Variants in PTPRG observed in about 807,000 individuals in gnomAD.
PTPRG encodes the protein protein tyrosine phosphatase receptor type G, also known as receptor-type tyrosine-protein phosphatase gamma.
In PTPRG, 102 loss-of-function variants were observed where a neutral mutation model predicts 165.3. The ratio of observed to expected loss-of-function variants is 0.62; its 90% CI spans 0.53 to 0.73. The LOEUF (loss-of-function observed/expected upper bound fraction) is 0.73. Among genes scored for constraint, PTPRG ranks in the 30% least tolerant of loss-of-function variants. The pLI is 0.00. For synonymous variants in PTPRG, 675 were observed against 669.5 expected, an observed-to-expected ratio of 1.01 and a Z score of -0.13; for missense variants, 1,866 against 1,861.4, an observed-to-expected ratio of 1.00 and a Z score of -0.05.
chr3:62,169,093 G>T (rs568376168), intron 8 of PTPRG, among the ~76,000 whole-genome samples: 2 of 152,120 alleles, frequency 1.3e-5, no homozygotes, highest in African/African-American at 4.8e-5. Flanking sequence ...CTGGAGCCTG[G>T]GGTCTGGGGT....
At chr3:61,816,206 T>C (rs866251153) in intron 2 of PTPRG, among the ~76,000 whole-genome samples, 6 of 152,176 alleles carry the variant, frequency 3.9e-5, no homozygotes, top group South Asian at 2.1e-4. Context: ...TGTTGTTTTG[T>C]GTCTTGGCAT....
In PTPRG at chr3:61,742,809, G is replaced by C; in HGVS notation, c.86-6069G>C. On this transcript the variant is annotated intron_variant, in intron 1 of 29. Transcript: ENST00000474889. ...CATCATACTTCTTGGCCAGCTTCTT[G>C]ACCAGTTTTTTATTCTTTTTGAGTT... The C allele has an allele frequency of 1.9e-6, 3 of 1,606,878 alleles. No individual in the cohort carries two copies. The Admixed American group carries it at 5.0e-5, about 27-fold the overall frequency.
intron 2 of PTPRG, among the ~76,000 whole-genome samples, chr3:61,866,021 A>G (rs2037396326): frequency 6.6e-6 from 1 of 152,144 alleles, no homozygotes; most frequent in Admixed American, 6.6e-5. Flanking sequence ...TAGAATCTTT[A>G]ACTCCTTTGA....
chr3:61,991,970 A>T (rs80138460), intron 3 of PTPRG, among the ~76,000 whole-genome samples: 3,355 of 152,282 alleles, frequency 0.022, 99 homozygotes, highest in African/African-American at 0.067. Context: ...TCCTAGAGTG[A>T]TCCACAACCT....
chr3:61,979,272 C>T (rs951601869), intron 2 of PTPRG, among the ~76,000 whole-genome samples: 3 of 152,166 alleles, frequency 2.0e-5, no homozygotes, highest in South Asian at 2.1e-4. Context: ...TCTTTCTTTG[C>T]CTGCTCATCA....
At chr3:62,121,571 C>A (rs183366319) in intron 5 of PTPRG, among the ~76,000 whole-genome samples, 27 of 152,278 alleles carry the variant, frequency 1.8e-4, no homozygotes, top group African/African-American at 6.5e-4. Flanking sequence ...AAAATGAGCT[C>A]ATCGTGTTCA....
At chr3:62,023,996 A>G (rs1486266332) in intron 4 of PTPRG, among the ~76,000 whole-genome samples, 1 of 152,164 alleles carries the variant, frequency 6.6e-6, no homozygotes, top group Non-Finnish European at 1.5e-5. Flanking sequence ...GAAGAGGTTC[A>G]AAAACAAGAA....
At chr3:62,024,747 A>G (rs1363518937) in intron 4 of PTPRG, among the ~76,000 whole-genome samples, 2 of 152,164 alleles carry the variant, frequency 1.3e-5, no homozygotes, top group Non-Finnish European at 2.9e-5. Flanking sequence ...TATCTGATAG[A>G]TAAGGATGGT....
At position 62,222,526 on chromosome 3, in the gene PTPRG, C is replaced by G. The variant is rs1032207012; in HGVS notation, c.2288+3543C>G. Among the ~76,000 whole-genome samples the G allele has an allele frequency of 1.3e-5, 2 of 152,186 alleles. No individual in the cohort carries two copies. The highest frequency in any genetic ancestry group is 4.8e-5 in the African/African-American group (2 of 41,440). On this transcript the variant is annotated intron_variant, in intron 13 of 29. Coordinates refer to ENST00000474889, the MANE Select transcript of PTPRG (RefSeq NM_002841.4). The surrounding 1 kb of genome is among the most constrained non-coding windows in gnomAD (Gnocchi z 4.5). Reference sequence around the variant, plus strand: ...CTGTCATTTGTCCATACCCCGGAGTCGTCTGGTGGCCAAAAGGATGGAACA... The same window carrying G: ...CTGTCATTTGTCCATACCCCGGAGTGGTCTGGTGGCCAAAAGGATGGAACA...
intron 2 of PTPRG, among the ~76,000 whole-genome samples, chr3:61,842,387 T>A (rs898694052): frequency 6.6e-6 from 1 of 152,192 alleles, no homozygotes; most frequent in African/African-American, 2.4e-5. Context: ...AATCCTTGAC[T>A]CAAGTCTTCA....
chr3:62,054,886 A>C (rs1559769939), intron 4 of PTPRG, among the ~76,000 whole-genome samples: 1 of 152,186 alleles, frequency 6.6e-6, no homozygotes, highest in Non-Finnish European at 1.5e-5. Flanking sequence ...ATAAAGATGA[A>C]ATTATAGGCT....
intron 14 of PTPRG, 160 bp from the exon 15 acceptor site, chr3:62,243,647 G>C (rs888931558): frequency 4.0e-6 from 2 of 495,252 alleles, no homozygotes; most frequent in Non-Finnish European, 7.1e-6. Context: ...CCCTCCAACA[G>C]GCTGAATGTT....
At chr3:62,243,325 C>G (rs1701207538) in intron 14 of PTPRG, among the ~76,000 whole-genome samples, 1 of 152,124 alleles carries the variant, frequency 6.6e-6, no homozygotes, top group Non-Finnish European at 1.5e-5. Context: ...AAAGAGCTGT[C>G]TGAGGCTTAG....
intron 28 of PTPRG, among the ~76,000 whole-genome samples, chr3:62,289,907 A>T (rs1702818060): frequency 6.6e-6 from 1 of 152,120 alleles, no homozygotes; most frequent in Non-Finnish European, 1.5e-5. Flanking sequence ...AGCAGAAGAT[A>T]GAAGAAGCGT....
chr3:61,634,843 T>G (rs562630433), intron 1 of PTPRG, among the ~76,000 whole-genome samples: 9 of 152,346 alleles, frequency 5.9e-5, no homozygotes, highest in African/African-American at 1.9e-4. Flanking sequence ...ATATCTGATA[T>G]GCTGTGTTTG....
chr3:62,268,918 T>C (rs1559734495), intron 19 of PTPRG, 117 bp from the exon 20 acceptor site: 1 of 1,171,102 alleles, frequency 8.5e-7, no homozygotes, highest in Non-Finnish European at 1.2e-6. Flanking sequence ...GTATTCCTTT[T>C]TCAGTCAACT....
intron 1 of PTPRG, among the ~76,000 whole-genome samples, chr3:61,714,648 T>C (rs1244176451): frequency 6.6e-6 from 1 of 152,176 alleles, no homozygotes; most frequent in Non-Finnish European, 1.5e-5. Context: ...GTGGGGCCTT[T>C]TACTTTCCAC....
intron 4 of PTPRG, among the ~76,000 whole-genome samples, chr3:62,062,537 A>C (rs1700851019): frequency 6.6e-6 from 1 of 152,224 alleles, no homozygotes; most frequent in Admixed American, 6.5e-5. Flanking sequence ...GATCTGAGTC[A>C]TATGTAAATG....
intron 2 of PTPRG, among the ~76,000 whole-genome samples, chr3:61,947,693 T>G (rs2039794954): frequency 6.6e-6 from 1 of 152,222 alleles, no homozygotes; most frequent in African/African-American, 2.4e-5. Context: ...AGGCAGGCCC[T>G]TTCTTCGTGG....
Sources: gnomAD v4.1 joint callset for allele counts (sites outside exome capture counted in the v4.1 genomes callset) on GRCh38, gnomAD v4.1.1 for gene constraint, Gnocchi (gnomAD v3.1) non-coding constraint, MANE v1.5 for transcripts, NCBI Gene and HGNC (gene_info 2026-07-23, HGNC 2026-07-21) for gene names.